The following GLB1 variants were observed in gnomAD, a reference collection of about 807,000 sequenced individuals.
GLB1 encodes beta-galactosidase.
GLB1 carries 56 observed loss-of-function variants against 74.0 expected under a neutral mutation model. The ratio of observed to expected loss-of-function variants is 0.76; its 90% CI spans 0.61 to 0.94. GLB1 has a LOEUF of 0.94. Ranked by LOEUF, GLB1 falls within the 40% of genes least tolerant of loss-of-function variation. The probability of loss-of-function intolerance (pLI) is 0.00; values close to 1 mark genes in which losing one functional copy is unlikely to be tolerated. For missense variants in GLB1, 787 were observed against 845.5 expected, an observed-to-expected ratio of 0.93 and a Z score of 0.86; for synonymous variants, 323 against 323.6, an observed-to-expected ratio of 1.00 and a Z score of 0.02.
At chr3:33,024,851 CAGAG>C (rs960587572) in intron 10 of GLB1, among the ~76,000 whole-genome samples, 18 of 150,398 alleles carry the variant, frequency 1.2e-4, no homozygotes, top group Middle Eastern at 3.2e-3. Flanking sequence ...CACACACAGA[CAGAG>C]AGAGAGAAGA....
the GLB1 span, among the ~76,000 whole-genome samples, chr3:32,964,943 G>A: frequency 2.0e-5 from 3 of 152,134 alleles, no homozygotes; most frequent in Non-Finnish European, 4.4e-5. Flanking sequence ...TTTATAAAGG[G>A]CAGTTCCCCG....
At chr3:33,005,455 T>C (rs752117031) in intron 15 of GLB1, among the ~76,000 whole-genome samples, 10 of 152,230 alleles carry the variant, frequency 6.6e-5, no homozygotes, top group Non-Finnish European at 1.5e-4. Flanking sequence ...CAGACTCTTA[T>C]AATCCTCTTG....
At chr3:32,990,057 T>C in the GLB1 span, among the ~76,000 whole-genome samples, 1 of 152,180 alleles carries the variant, frequency 6.6e-6, no homozygotes, top group African/African-American at 2.4e-5. Flanking sequence ...TACCATCTGG[T>C]TGGAGATAGC....
intron 15 of GLB1, among the ~76,000 whole-genome samples, chr3:33,005,800 A>C (rs1412919216): frequency 6.6e-6 from 1 of 152,202 alleles, no homozygotes; most frequent in Non-Finnish European, 1.5e-5. Flanking sequence ...CGGCCAGGAA[A>C]TTTCAAAAGC....
At chr3:33,051,821 G>T in intron 8 of GLB1, 23 bp from the exon 9 acceptor site, 2 of 1,614,090 alleles carry the variant, frequency 1.2e-6, no homozygotes, top group South Asian at 2.2e-5. Context: ...AAAAGAACAC[G>T]GTACTTCACT....
rs1698194516 is a variant in GLB1, at chr3:33,034,633, C to T, written c.1069-10308G>A. On this transcript the variant is annotated intron_variant, in intron 10 of 15. Transcript: ENST00000307363. ...AATTGCTGCACAAGTTCAATGATGT[C>T]ATGTAGCATGCGGGCAGGTCCATCA... 8.3e-6 allele frequency: 6 copies of T among 726,606 alleles called. No homozygotes were observed. The South Asian group carries it at 8.5e-5, about 10-fold the overall frequency. The allele number at this position is 726,606 out of a possible 1,614,324, so 45.0% of individuals were successfully genotyped here. A position where few individuals can be genotyped will look rare whatever the true frequency, so the allele number is the denominator to read the frequency against.
At chr3:33,066,179 G>T (rs9835090) in intron 4 of GLB1, among the ~76,000 whole-genome samples, 29,708 of 152,030 alleles carry the variant, frequency 0.2, 4,526 homozygotes, top group African/African-American at 0.42. Flanking sequence ...CATCTGCTAT[G>T]GTTGGAATGT....
At chr3:32,981,514 C>A in the GLB1 span, among the ~76,000 whole-genome samples, 2 of 151,776 alleles carry the variant, frequency 1.3e-5, no homozygotes, top group African/African-American at 4.8e-5. Flanking sequence ...TGGCTCACAT[C>A]TGTAACCCCA....
chr3:33,003,757 T>C lies in GLB1; in HGVS notation c.1735-6413A>G, dbSNP rs111635448. Reference sequence around the variant, plus strand: ...TCAAGAAGTAGAATCTGTCTGGGCATGGTGGCTCACTCCTGTAATCCCAGC... The same window carrying C: ...TCAAGAAGTAGAATCTGTCTGGGCACGGTGGCTCACTCCTGTAATCCCAGC... On this transcript the variant is annotated intron_variant, in intron 15 of 15. Coordinates refer to ENST00000307363, the MANE Select transcript of GLB1 (RefSeq NM_000404.4). Among the ~76,000 whole-genome samples the C allele has an allele frequency of 1.2e-3, 181 of 152,306 alleles. 1 individual carries two copies. The highest frequency in any genetic ancestry group is 4.0e-3 in the African/African-American group (167 of 41,564).
At chr3:33,053,340 C>T in intron 7 of GLB1, 151 bp downstream of exon 7, 2 of 1,107,734 alleles carry the variant, frequency 1.8e-6, no homozygotes, top group Non-Finnish European at 2.7e-6. Flanking sequence ...TTTCTGCTGT[C>T]ATTCACATGT....
At chr3:33,057,398 T>C (rs1450563797) in intron 6 of GLB1, among the ~76,000 whole-genome samples, 1 of 152,224 alleles carries the variant, frequency 6.6e-6, no homozygotes, top group Non-Finnish European at 1.5e-5. Context: ...ACAGCTGTCA[T>C]ATCCTTTATG....
rs141049217 is a variant in GLB1, at chr3:33,094,953, A to G, written c.75+2058T>C. Reference sequence around the variant, plus strand: ...GGGCTGGGCACAGTGGCTGACGCCTATAATTCCAGCACTTTGGGAGGCCGA... The same window carrying G: ...GGGCTGGGCACAGTGGCTGACGCCTGTAATTCCAGCACTTTGGGAGGCCGA... On this transcript the variant is annotated intron_variant, in intron 1 of 15. Transcript: ENST00000307363. Among the ~76,000 whole-genome samples the G allele has an allele frequency of 2.2e-3, 335 of 152,304 alleles. 7 individuals are homozygous for G. In the South Asian group the frequency reaches 0.041, roughly 19 times the overall value.
intron 9 of GLB1, among the ~76,000 whole-genome samples, chr3:33,048,883 G>C (rs1226634247): frequency 1.3e-5 from 2 of 152,142 alleles, no homozygotes; most frequent in African/African-American, 2.4e-5. Context: ...TATCTGAAAA[G>C]TGGTGCTGAT....
At chr3:33,006,719 A>C (rs1051666623) in intron 15 of GLB1, among the ~76,000 whole-genome samples, 2 of 152,216 alleles carry the variant, frequency 1.3e-5, no homozygotes, top group African/African-American at 4.8e-5. Flanking sequence ...AAGCCAGTGT[A>C]AACAAAAGTG....
intron 1 of GLB1, among the ~76,000 whole-genome samples, chr3:33,076,278 G>GACTA (rs1157226927): frequency 6.6e-6 from 1 of 152,184 alleles, no homozygotes; most frequent in Non-Finnish European, 1.5e-5. Context: ...GGGAGGGCAG[G>GACTA]ACTACAGGCC....
intron 10 of GLB1, among the ~76,000 whole-genome samples, chr3:33,024,814 T>C (rs1310154997): frequency 1.3e-5 from 2 of 152,200 alleles, no homozygotes; most frequent in African/African-American, 4.8e-5. Context: ...CCGTGATGTA[T>C]GCAATCCTCC....
intron 15 of GLB1, among the ~76,000 whole-genome samples, chr3:33,005,952 G>A (rs1453987259): frequency 6.6e-6 from 1 of 152,112 alleles, no homozygotes; most frequent in Non-Finnish European, 1.5e-5. Context: ...ATTCTATTTT[G>A]ATTCTTGACT....
At chr3:33,068,604 T>TGA (rs1436488428) in intron 3 of GLB1, among the ~76,000 whole-genome samples, 1 of 152,132 alleles carries the variant, frequency 6.6e-6, no homozygotes, top group East Asian at 1.9e-4. Context: ...ATGAGCAAGC[T>TGA]GAGGTATGTG....
At chr3:33,073,073 T>C (rs935000200) in intron 1 of GLB1, among the ~76,000 whole-genome samples, 2 of 152,138 alleles carry the variant, frequency 1.3e-5, no homozygotes, top group African/African-American at 2.4e-5. Flanking sequence ...TGCTGTGACC[T>C]GCCTGAGCAC....
Sources: gnomAD v4.1 joint callset for allele counts (sites outside exome capture counted in the v4.1 genomes callset) on GRCh38, gnomAD v4.1.1 for gene constraint, MANE v1.5 for transcripts, NCBI Gene and HGNC (gene_info 2026-07-23, HGNC 2026-07-21) for gene names.